The following FAM20C variants were observed in gnomAD, a reference collection of about 807,000 sequenced individuals.
The protein encoded by FAM20C is extracellular serine/threonine protein kinase FAM20C.
Under a neutral mutation model 51.5 loss-of-function variants are expected in FAM20C, and 40 were observed. The observed-to-expected ratio is 0.78, with a 90% CI of 0.60 to 1.01. The LOEUF is 1.01. Among genes scored for constraint, FAM20C ranks in the 50% least tolerant of loss-of-function variants. FAM20C has a pLI of 0.00. For synonymous variants in FAM20C, 406 were observed against 380.6 expected (o/e 1.07, Z -0.78); for missense variants, 861 against 844.7 (o/e 1.02, Z -0.24).
At chr7:258,300 ATGGGTGGGATGGACCCAC>A (rs1171339981) in intron 8 of FAM20C, among the ~76,000 whole-genome samples, 13 of 109,336 alleles carry the variant, frequency 1.2e-4, no homozygotes, top group East Asian at 2.8e-4. Flanking sequence ...GGTGCTGGAG[ATGGGTGGGATGGACCCAC>A]TGCCCGGGGT....
chr7:217,632 C>G (rs1787061791), intron 3 of FAM20C, among the ~76,000 whole-genome samples: 1 of 152,154 alleles, frequency 6.6e-6, no homozygotes, highest in Non-Finnish European at 1.5e-5. Context: ...GCTTCTGAGG[C>G]CTTTCTCGCA....
intron 3 of FAM20C, among the ~76,000 whole-genome samples, chr7:226,405 G>A (rs576221106): frequency 6.6e-6 from 1 of 152,324 alleles, no homozygotes; most frequent in African/African-American, 2.4e-5. Flanking sequence ...ACTCAGAGGG[G>A]CGTGCCACAA....
At chr7:200,935 G>T (rs2115050420) in intron 2 of FAM20C, among the ~76,000 whole-genome samples, 1 of 152,292 alleles carries the variant, frequency 6.6e-6, no homozygotes, top group East Asian at 1.9e-4. Context: ...CCCACTGCTG[G>T]CCAACTATGT....
chr7:245,170 G>A (rs758468478), intron 3 of FAM20C, among the ~76,000 whole-genome samples: 6 of 152,198 alleles, frequency 3.9e-5, no homozygotes, highest in Admixed American at 3.9e-4. Flanking sequence ...GGGAAGCCGA[G>A]GGCTGGGAAA....
intron 9 of FAM20C, among the ~76,000 whole-genome samples, chr7:259,369 C>T (rs1788776524): frequency 6.6e-6 from 1 of 152,184 alleles, no homozygotes; most frequent in South Asian, 2.1e-4. Flanking sequence ...GCAGGTCACA[C>T]AGCCCGGAGG....
chr7:206,852 A>T (rs1786429594), intron 2 of FAM20C, among the ~76,000 whole-genome samples: 1 of 75,380 alleles, frequency 1.3e-5, no homozygotes, highest in Admixed American at 1.2e-4. Flanking sequence ...GTCCACTGTG[A>T]GGCGTCGGTC....
At chr7:241,183 G>A (rs888533729) in intron 3 of FAM20C, among the ~76,000 whole-genome samples, 4 of 152,060 alleles carry the variant, frequency 2.6e-5, no homozygotes, top group Non-Finnish European at 4.4e-5. Flanking sequence ...CCTGGGTCTG[G>A]CCCCTTCCCT....
intron 6 of FAM20C, 157 bp downstream of exon 6, chr7:256,186 G>A (rs1381825034): frequency 1.1e-6 from 1 of 932,362 alleles, no homozygotes; most frequent in Non-Finnish European, 1.6e-6. Context: ...GCTTCCTGAT[G>A]AGACGGTGGC....
At chr7:254,676 G>A (rs961658294) in intron 5 of FAM20C, among the ~76,000 whole-genome samples, 1 of 152,172 alleles carries the variant, frequency 6.6e-6, no homozygotes, top group African/African-American at 2.4e-5. Context: ...CCACAATGGT[G>A]TGCAACCATC....
At chr7:254,847 T>C (rs771317600) in intron 5 of FAM20C, among the ~76,000 whole-genome samples, 4 of 152,216 alleles carry the variant, frequency 2.6e-5, no homozygotes, top group Non-Finnish European at 5.9e-5. Flanking sequence ...AAGAGGGTCA[T>C]ACGACGTGTG....
chr7:197,578 G>A (rs1367359323), intron 2 of FAM20C: 8 of 163,030 alleles, frequency 4.9e-5, no homozygotes, highest in Non-Finnish European at 8.8e-5. Flanking sequence ...AGGATGAGAT[G>A]TGCATGTGAG....
chr7:196,367 C>T (rs1441924154), intron 2 of FAM20C, among the ~76,000 whole-genome samples: 1 of 152,220 alleles, frequency 6.6e-6, no homozygotes, highest in African/African-American at 2.4e-5. Flanking sequence ...GGAAAATATG[C>T]CACTGCAGCT....
intron 3 of FAM20C, among the ~76,000 whole-genome samples, chr7:242,821 TG>T (rs528944583): frequency 7.3e-4 from 111 of 152,272 alleles, no homozygotes; most frequent in African/African-American, 2.6e-3. Flanking sequence ...CAGGCCAGGC[TG>T]GGGGTGAGGT....
At chr7:198,232 C>A (rs1180817709) in intron 2 of FAM20C, among the ~76,000 whole-genome samples, 1 of 152,194 alleles carries the variant, frequency 6.6e-6, no homozygotes. Context: ...GCCGCATCAC[C>A]CAGGCAGGAC....
At chr7:204,332 A>G (rs1052404195) in intron 2 of FAM20C, among the ~76,000 whole-genome samples, 5 of 152,234 alleles carry the variant, frequency 3.3e-5, no homozygotes, top group Admixed American at 6.5e-5. Flanking sequence ...GAGAGAAATG[A>G]GATTCGTTGC....
chr7:194,208 C>T (rs1785737432), intron 1 of FAM20C: 1 of 182,424 alleles, frequency 5.5e-6, no homozygotes, highest in Non-Finnish European at 1.1e-5. Context: ...TGGAGAAGGT[C>T]TGGATGTGCC....
At chr7:252,930 G>A (rs942188103) in intron 5 of FAM20C, among the ~76,000 whole-genome samples, 16 of 152,248 alleles carry the variant, frequency 1.1e-4, no homozygotes, top group African/African-American at 3.1e-4. Context: ...CAGGTCATCC[G>A]TGCACAGCTT....
rs558323113 is a variant in FAM20C at position 196,676 on chromosome 7, A to C, written c.784+944A>C. Among the ~76,000 whole-genome samples, 8 of 152,336 alleles carry C rather than the reference A, an allele frequency of 5.3e-5. No individual in the cohort carries two copies. The South Asian group carries it at 1.7e-3, about 32-fold the overall frequency. On this transcript the variant is annotated intron_variant, in intron 2 of 9. Transcript: ENST00000313766. ...ACCTTGGTGCTGAAAGGGTCCCAGC[A>C]GCCTGGGGTTCTGTCCAGTTGCTGA...
intron 3 of FAM20C, among the ~76,000 whole-genome samples, chr7:220,951 G>A (rs987937114): frequency 1.5e-4 from 22 of 150,552 alleles, no homozygotes; most frequent in Non-Finnish European, 2.7e-4. Context: ...TGCAGGAGCC[G>A]TTCTTAGCAT....
Sources: gnomAD v4.1 joint callset for allele counts (sites outside exome capture counted in the v4.1 genomes callset) on GRCh38, gnomAD v4.1.1 for gene constraint, MANE v1.5 for transcripts, NCBI Gene and HGNC (gene_info 2026-07-23, HGNC 2026-07-21) for gene names.